The following SPON1 variants were observed in gnomAD, a reference collection of about 807,000 sequenced individuals.
SPON1 encodes spondin-1.
In SPON1, 52 loss-of-function variants were observed where a neutral mutation model predicts 111.7. That is an observed-to-expected ratio of 0.47 (90% confidence interval 0.37 to 0.59). SPON1 has a LOEUF of 0.59. Among genes scored for constraint, SPON1 ranks in the 20% least tolerant of loss-of-function variants. SPON1 has a pLI of 0.00. For synonymous variants in SPON1, 410 were observed against 395.8 expected (o/e 1.04, Z -0.43); for missense variants, 957 against 1,068.5 (o/e 0.90, Z 1.46).
At chr11:14,160,905 TTA>T (rs1233205768) in intron 6 of SPON1, among the ~76,000 whole-genome samples, 1,743 of 33,548 alleles carry the variant, frequency 0.052, 376 homozygotes, top group East Asian at 0.41. Flanking sequence ...ATTTATATAT[TTA>T]TATATATATT....
intron 2 of SPON1, among the ~76,000 whole-genome samples, chr11:14,025,715 G>A (rs979517086): frequency 1.5e-4 from 23 of 152,112 alleles, no homozygotes; most frequent in African/African-American, 5.6e-4. Flanking sequence ...TCTTGGGGCT[G>A]GGAAATGCTT....
At chr11:14,052,794 C>G (rs886671404) in intron 3 of SPON1, among the ~76,000 whole-genome samples, 47 of 152,278 alleles carry the variant, frequency 3.1e-4, no homozygotes, top group African/African-American at 1.1e-3. Context: ...GGTGCAGGAT[C>G]CAGCCCCCAG....
At chr11:14,061,315 ATG>A (rs756459972) in intron 3 of SPON1, among the ~76,000 whole-genome samples, 1 of 152,346 alleles carries the variant, frequency 6.6e-6, no homozygotes, top group African/African-American at 2.4e-5. Flanking sequence ...TCAAGTCCTT[ATG>A]TGTGTGTGAA....
intron 6 of SPON1, among the ~76,000 whole-genome samples, chr11:14,178,218 C>T (rs548529098): frequency 1.3e-5 from 2 of 152,180 alleles, no homozygotes; most frequent in South Asian, 4.2e-4. Context: ...GTCAGGAGAT[C>T]AAGACCATCC....
chr11:13,964,306 C>A (rs905235274), intron 1 of SPON1, among the ~76,000 whole-genome samples: 1 of 152,200 alleles, frequency 6.6e-6, no homozygotes, highest in Non-Finnish European at 1.5e-5. Context: ...CAGGGATGAG[C>A]GGGTCACTGG....
intron 5 of SPON1, among the ~76,000 whole-genome samples, chr11:14,107,022 A>G (rs957157688): frequency 1.3e-5 from 2 of 152,190 alleles, no homozygotes; most frequent in Non-Finnish European, 2.9e-5. Flanking sequence ...TCTGTCTAAC[A>G]TTATAAGCTT....
intron 6 of SPON1, among the ~76,000 whole-genome samples, chr11:14,240,754 C>T (rs1009405408): frequency 7.2e-5 from 11 of 152,082 alleles, no homozygotes; most frequent in African/African-American, 2.2e-4. Flanking sequence ...TTCACTCCAC[C>T]CACATTGATT....
chr11:14,234,377 G>A (rs34985514), intron 6 of SPON1, among the ~76,000 whole-genome samples: 17,634 of 152,230 alleles, frequency 0.12, 1,216 homozygotes, highest in Non-Finnish European at 0.17. Context: ...GGCGGACCAC[G>A]GAAGAGCAGG....
At chr11:13,991,304 C>A (rs12282973) in intron 2 of SPON1, among the ~76,000 whole-genome samples, 3,796 of 152,156 alleles carry the variant, frequency 0.025, 150 homozygotes, top group African/African-American at 0.086. Context: ...ATCTTGCCTG[C>A]TCTCTTTATT....
intron 2 of SPON1, among the ~76,000 whole-genome samples, chr11:13,999,319 A>T (rs1848297887): frequency 6.6e-6 from 1 of 152,126 alleles, no homozygotes; most frequent in South Asian, 2.1e-4. Context: ...ACCCCTTTGG[A>T]CATTATACTT....
At chr11:14,184,379 G>A (rs1554933910) in intron 6 of SPON1, among the ~76,000 whole-genome samples, 1 of 152,086 alleles carries the variant, frequency 6.6e-6, no homozygotes, top group African/African-American at 2.4e-5. Context: ...GATCCTTTGT[G>A]GAATGAGGCA....
intron 5 of SPON1, among the ~76,000 whole-genome samples, chr11:14,108,079 C>CAAA (rs1264002278): frequency 6.6e-6 from 1 of 152,124 alleles, no homozygotes; most frequent in African/African-American, 2.4e-5. Context: ...TAGCACCTTG[C>CAAA]AGAAGACACT....
At chr11:14,094,054 A>G (rs1849079780) in intron 5 of SPON1, among the ~76,000 whole-genome samples, 1 of 152,132 alleles carries the variant, frequency 6.6e-6, no homozygotes, top group Admixed American at 6.5e-5. Context: ...TCTACTAAAA[A>G]TACAAAAACT....
chr11:14,246,086 G>A (rs1554940233), intron 7 of SPON1, among the ~76,000 whole-genome samples: 1 of 152,196 alleles, frequency 6.6e-6, no homozygotes, highest in Non-Finnish European at 1.5e-5. Flanking sequence ...AAGTGGGCAG[G>A]GGATGAAAGG....
intron 2 of SPON1, among the ~76,000 whole-genome samples, chr11:14,025,829 G>C (rs1419855493): frequency 6.6e-6 from 1 of 152,186 alleles, no homozygotes; most frequent in Non-Finnish European, 1.5e-5. Flanking sequence ...AGGTTGCTCT[G>C]AGGGTAAAAG....
chr11:14,001,938 A>G (rs904744530), intron 2 of SPON1, among the ~76,000 whole-genome samples: 1 of 152,228 alleles, frequency 6.6e-6, no homozygotes, highest in African/African-American at 2.4e-5. Context: ...AATAAATGGT[A>G]GTCATAATTA....
At chr11:14,001,425 G>A (rs1463498354) in intron 2 of SPON1, among the ~76,000 whole-genome samples, 1 of 152,096 alleles carries the variant, frequency 6.6e-6, no homozygotes, top group Non-Finnish European at 1.5e-5. Context: ...CCCTAACAAG[G>A]TCTGCCCTCA....
At chr11:14,160,777 TA>T (rs1318114356) in intron 6 of SPON1, among the ~76,000 whole-genome samples, 4 of 53,900 alleles carry the variant, frequency 7.4e-5, no homozygotes, top group Non-Finnish European at 1.2e-4. Flanking sequence ...TATTTATATA[TA>T]TTTTTATATA....
intron 6 of SPON1, among the ~76,000 whole-genome samples, chr11:14,185,590 A>C (rs1252557954): frequency 6.6e-6 from 1 of 152,264 alleles, no homozygotes; most frequent in African/African-American, 2.4e-5. Flanking sequence ...GATGAAATGT[A>C]TACACAGCTA....
Sources: gnomAD v4.1 joint callset for allele counts (sites outside exome capture counted in the v4.1 genomes callset) on GRCh38, gnomAD v4.1.1 for gene constraint, MANE v1.5 for transcripts, NCBI Gene and HGNC (gene_info 2026-07-23, HGNC 2026-07-21) for gene names.